MCTP1: variants seen among roughly 807,000 people sequenced by gnomAD.
MCTP1 encodes the protein multiple C2 and transmembrane domain containing 1.
MCTP1 carries 69 observed loss-of-function variants against 120.6 expected under a neutral mutation model. The ratio of observed to expected loss-of-function variants is 0.57; its 90% CI spans 0.47 to 0.70. The LOEUF (loss-of-function observed/expected upper bound fraction) is 0.70, where lower values mean the gene tolerates loss of function less well. Among genes scored for constraint, MCTP1 ranks in the 30% least tolerant of loss-of-function variants. MCTP1 has a pLI of 0.00. For missense variants in MCTP1, 1,203 were observed against 1,248.8 expected, an observed-to-expected ratio of 0.96 and a Z score of 0.55; for synonymous variants, 529 against 493.1, an observed-to-expected ratio of 1.07 and a Z score of -0.96.
intron 1 of MCTP1, 36 bp downstream of exon 1, chr5:95,283,820 G>A (rs946513959): frequency 7.7e-7 from 1 of 1,299,764 alleles, no homozygotes; most frequent in Non-Finnish European, 9.6e-7. Flanking sequence ...GCGTGGTCCC[G>A]CGCACCTTGT....
intron 1 of MCTP1, among the ~76,000 whole-genome samples, chr5:95,020,758 T>C (rs1838047485): frequency 6.6e-6 from 1 of 152,082 alleles, no homozygotes; most frequent in Admixed American, 6.6e-5. Flanking sequence ...ATGTGAAATA[T>C]ATTTTAAGTG....
chr5:94,914,930 G>T (rs2153448508), intron 8 of MCTP1, among the ~76,000 whole-genome samples: 1 of 152,258 alleles, frequency 6.6e-6, no homozygotes, highest in African/African-American at 2.4e-5. Context: ...GTGTATGACT[G>T]GTTTAACCAC....
chr5:95,200,142 C>G (rs1750847612), intron 1 of MCTP1, among the ~76,000 whole-genome samples: 1 of 146,148 alleles, frequency 6.8e-6, no homozygotes, highest in Non-Finnish European at 1.5e-5. Flanking sequence ...GCCTGGGCAA[C>G]AGAGTGAGAC....
intron 17 of MCTP1, among the ~76,000 whole-genome samples, chr5:94,809,912 G>T (rs567397406): frequency 4.8e-4 from 73 of 152,098 alleles, no homozygotes; most frequent in African/African-American, 1.5e-3. Flanking sequence ...TCTCACTAAT[G>T]CTAGGTAACT....
At chr5:95,212,476 C>G (rs1204412120) in intron 1 of MCTP1, among the ~76,000 whole-genome samples, 2 of 151,918 alleles carry the variant, frequency 1.3e-5, no homozygotes, top group Non-Finnish European at 2.9e-5. Context: ...CTATTCCAAT[C>G]AATAGAAAAA....
At chr5:94,713,952 A>G (rs889329129) in intron 20 of MCTP1, among the ~76,000 whole-genome samples, 1 of 152,170 alleles carries the variant, frequency 6.6e-6, no homozygotes, top group Non-Finnish European at 1.5e-5. Context: ...ATACTAGGAA[A>G]ATAAAGGTTT....
chr5:94,753,062 T>C (rs1768875846), intron 19 of MCTP1, among the ~76,000 whole-genome samples: 1 of 152,206 alleles, frequency 6.6e-6, no homozygotes, highest in Non-Finnish European at 1.5e-5. Flanking sequence ...CACTGTGGCT[T>C]GAAGTAGAGC....
Position 95,241,327 on chromosome 5 carries a change from T to C in MCTP1, c.720+42529A>G, listed in dbSNP as rs1355699386. On this transcript the variant is annotated intron_variant, in intron 1 of 22. Transcript: ENST00000515393. ...ATGGCAGCTGCTTTGCAGGACAATG[T>C]CATATTTGTAACTCAACTTATGGTC... 1.3e-5 allele frequency among the ~76,000 whole-genome samples: 2 copies of C among 152,188 alleles called. 1 individual carries two copies. The highest frequency in any genetic ancestry group is 4.8e-5 in the African/African-American group (2 of 41,454).
intron 17 of MCTP1, among the ~76,000 whole-genome samples, chr5:94,836,935 GTTGT>G (rs1359198895): frequency 1.3e-5 from 2 of 152,144 alleles, no homozygotes; most frequent in African/African-American, 4.8e-5. Flanking sequence ...ATCTTAGAGT[GTTGT>G]TTGTTTGTTT....
At chr5:95,083,158 T>C (rs1418884127) in intron 1 of MCTP1, among the ~76,000 whole-genome samples, 1 of 152,206 alleles carries the variant, frequency 6.6e-6, no homozygotes, top group African/African-American at 2.4e-5. Context: ...GAATAAAATA[T>C]GGATTTTTTT....
chr5:94,752,317 A>T (rs77890129), intron 19 of MCTP1, among the ~76,000 whole-genome samples: 1 of 151,516 alleles, frequency 6.6e-6, no homozygotes, highest in East Asian at 2.0e-4. Flanking sequence ...CTAGCTTGGG[A>T]AATACTAGTT....
chr5:95,002,866 G>A (rs1833992777), intron 2 of MCTP1, among the ~76,000 whole-genome samples: 1 of 152,044 alleles, frequency 6.6e-6, no homozygotes, highest in African/African-American at 2.4e-5. Context: ...GACCAAGGGT[G>A]GAATAATATG....
At chr5:94,757,107 A>T (rs1392567716) in intron 19 of MCTP1, among the ~76,000 whole-genome samples, 1 of 152,178 alleles carries the variant, frequency 6.6e-6, no homozygotes. Context: ...AGTTGTCATG[A>T]AGAAGAAATG....
At chr5:95,169,524 C>T (rs751057221) in intron 1 of MCTP1, among the ~76,000 whole-genome samples, 22 of 152,094 alleles carry the variant, frequency 1.4e-4, no homozygotes, top group Non-Finnish European at 2.9e-5. Flanking sequence ...TCTATCTGGT[C>T]CTGGACTTTT....
chr5:95,002,494 C>G (rs1833926492), intron 2 of MCTP1, among the ~76,000 whole-genome samples: 1 of 152,204 alleles, frequency 6.6e-6, no homozygotes, highest in Non-Finnish European at 1.5e-5. Flanking sequence ...GAGCCCACCT[C>G]TTGCATCAGT....
At chr5:95,241,274 C>A (rs1284295888) in intron 1 of MCTP1, among the ~76,000 whole-genome samples, 1 of 152,182 alleles carries the variant, frequency 6.6e-6, no homozygotes, top group Non-Finnish European at 1.5e-5. Flanking sequence ...TCTTTCCACA[C>A]AAGTCAAGAT....
At chr5:94,962,781 T>G (rs1052996847) in intron 2 of MCTP1, among the ~76,000 whole-genome samples, 3 of 152,118 alleles carry the variant, frequency 2.0e-5, no homozygotes, top group Non-Finnish European at 4.4e-5. Context: ...GTACACTGCT[T>G]GGACGATGCA....
At chr5:95,277,141 C>G (rs969538700) in intron 1 of MCTP1, among the ~76,000 whole-genome samples, 1 of 152,082 alleles carries the variant, frequency 6.6e-6, no homozygotes, top group Non-Finnish European at 1.5e-5. Context: ...GGTGCAATGT[C>G]AGAGGCCAGA....
At chr5:95,205,442 G>C (rs940819719) in intron 1 of MCTP1, among the ~76,000 whole-genome samples, 1 of 152,066 alleles carries the variant, frequency 6.6e-6, no homozygotes, top group African/African-American at 2.4e-5. Flanking sequence ...TTAGACAATG[G>C]TGTCTGACAC....
Sources: allele counts gnomAD v4.1 joint callset (sites outside exome capture counted in the v4.1 genomes callset), GRCh38; gene constraint gnomAD v4.1.1; transcripts MANE v1.5; gene names NCBI Gene and HGNC (gene_info 2026-07-23, HGNC 2026-07-21).